UTRN: variants seen among roughly 807,000 people sequenced by gnomAD.
UTRN encodes utrophin, also known as dystrophin-related protein 1.
In UTRN, 283 loss-of-function variants were observed where a neutral mutation model predicts 463.9. The ratio of observed to expected loss-of-function variants is 0.61; its 90% CI spans 0.55 to 0.67. The LOEUF is 0.67. Among genes scored for constraint, UTRN ranks in the 30% least tolerant of loss-of-function variants. UTRN has a pLI of 0.00. For missense variants in UTRN, 3,922 were observed against 4,084.3 expected (o/e 0.96, Z 1.08); for synonymous variants, 1,442 against 1,431.5 (o/e 1.01, Z -0.17).
At chr6:144,470,425 A>G (rs1790447416) in intron 23 of UTRN, among the ~76,000 whole-genome samples, 2 of 151,464 alleles carry the variant, frequency 1.3e-5, no homozygotes, top group African/African-American at 4.9e-5. Context: ...CAGTTCCCAG[A>G]CGGGGTCGCG....
chr6:144,683,712 G>A (rs906601527), intron 52 of UTRN, among the ~76,000 whole-genome samples: 1 of 152,088 alleles, frequency 6.6e-6, no homozygotes, highest in African/African-American at 2.4e-5. Flanking sequence ...TTTCAATAGA[G>A]GTTAATTTCC....
intron 52 of UTRN, among the ~76,000 whole-genome samples, chr6:144,692,325 G>A (rs889367288): frequency 1.3e-5 from 2 of 152,124 alleles, no homozygotes; most frequent in African/African-American, 2.4e-5. Context: ...CCATGTTGTT[G>A]CTATTGTGCA....
At chr6:144,499,824 G>C (rs139571582) in intron 34 of UTRN, among the ~76,000 whole-genome samples, 1 of 152,090 alleles carries the variant, frequency 6.6e-6, no homozygotes, top group Admixed American at 6.5e-5. Context: ...ATGGCCTTGC[G>C]TACCCAATGT....
At chr6:144,765,921 T>C (rs1407026484) in intron 58 of UTRN, among the ~76,000 whole-genome samples, 2 of 152,114 alleles carry the variant, frequency 1.3e-5, no homozygotes, top group African/African-American at 2.4e-5. Flanking sequence ...TCCACGCTTC[T>C]TTTCTCTTAA....
chr6:144,757,805 A>C (rs1269788066), intron 57 of UTRN, 124 bp from the exon 58 acceptor site: 1 of 776,694 alleles, frequency 1.3e-6, no homozygotes, highest in Admixed American at 3.1e-5. Context: ...TCATAATTAT[A>C]GGAATCCAGC....
At chr6:144,547,769 C>A in intron 46 of UTRN, among the ~76,000 whole-genome samples, 1 of 152,048 alleles carries the variant, frequency 6.6e-6, no homozygotes, top group Non-Finnish European at 1.5e-5. Flanking sequence ...GCATATTCCT[C>A]TATCAAAAAA....
chr6:144,485,374 T>C lies in UTRN; in HGVS notation c.3688-11T>C. ...GGCTTTTTGTCTAATTTAAAATTTTTCATGCTTTAGGAGGTCTGGTCTTGT... is the reference window on the plus strand; with the variant it reads ...GGCTTTTTGTCTAATTTAAAATTTTCCATGCTTTAGGAGGTCTGGTCTTGT... On this transcript the variant is annotated splice_polypyrimidine_tract_variant and intron_variant, in intron 27 of 74. Coordinates refer to ENST00000367545, the MANE Select transcript of UTRN (RefSeq NM_007124.3). The C allele has an allele frequency of 6.2e-7, 1 of 1,613,664 alleles. No homozygotes were observed. Among genetic ancestry groups the C allele is most frequent in the African/African-American group, 1.3e-5 (1 of 75,004 alleles).
rs142274898 is a variant in UTRN, at chr6:144,503,289, G to A, written c.4764+3862G>A. Among the ~76,000 whole-genome samples the A allele has an allele frequency of 4.9e-3, 744 of 152,144 alleles. 3 individuals carry two copies. Among genetic ancestry groups the A allele is most frequent in the Admixed American group, 9.6e-3 (146 of 15,286 alleles). On this transcript the variant is annotated intron_variant, in intron 34 of 74. Transcript: ENST00000367545. ...TTTGTCAATTTTGGCTTTTGTTGCC[G>A]TTGCTTTTGGTGTTTTAATCATGAA...
chr6:144,363,172 A>G (rs1220721501), intron 2 of UTRN, among the ~76,000 whole-genome samples: 1 of 152,210 alleles, frequency 6.6e-6, no homozygotes, highest in Non-Finnish European at 1.5e-5. Flanking sequence ...ATGGCACACA[A>G]AACACAGTAT....
rs140426320 is a variant in UTRN at position 144,516,905 on chromosome 6, G to A, written c.5498G>A (p.Arg1833His). ...GAAGATAATAAAAAAGAAAAGATCC[G>A]TTTGCAATTATTACTTTTGCATACT... ...PMEDNKKEKI[R>H]LQLLLLHTRY... The change falls in exon 39 of 75, where the codon CGT becomes CAT. Residue 1833 changes from arginine to histidine, a missense_variant. Physicochemically the swap from Arg to His is conservative, Grantham distance 29. Around this residue, in one of 3 missense-constraint regions of UTRN, gnomAD observed 2,349 missense variants for 2,303.8 expected, o/e 1.02. Transcript: ENST00000367545. 1.7e-4 allele frequency: 255 copies of A among 1,497,254 alleles called. 1 individual carries two copies. Among genetic ancestry groups the A allele is most frequent in the Middle Eastern group, 4.0e-4 (2 of 4,984 alleles). 92.7% of individuals were successfully genotyped at this position (1,497,254 alleles called of 1,614,324 possible).
chr6:144,337,975 T>G (rs1449992487), intron 2 of UTRN, among the ~76,000 whole-genome samples: 1 of 152,218 alleles, frequency 6.6e-6, no homozygotes, highest in Non-Finnish European at 1.5e-5. Context: ...CTGACTTAAT[T>G]CTGTTGATTA....
intron 51 of UTRN, among the ~76,000 whole-genome samples, chr6:144,656,092 G>C (rs1779281265): frequency 6.6e-6 from 1 of 152,126 alleles, no homozygotes; most frequent in South Asian, 2.1e-4. Context: ...GGTTTATTTA[G>C]CTAGAGATTC....
intron 51 of UTRN, among the ~76,000 whole-genome samples, chr6:144,656,083 G>A (rs914306351): frequency 1.3e-5 from 2 of 152,150 alleles, no homozygotes; most frequent in Non-Finnish European, 2.9e-5. Flanking sequence ...TTGAAACATG[G>A]TTTATTTAGC....
Position 144,487,554 on chromosome 6 carries a change from G to T in UTRN, c.3829G>T (p.Glu1277Ter). 1 of 1,595,832 alleles carries T rather than the reference G, an allele frequency of 6.3e-7. No individual in the cohort carries two copies. The highest frequency in any genetic ancestry group is 8.6e-7 in the Non-Finnish European group (1 of 1,169,496). The change falls in exon 29 of 75, where the codon GAA (glutamate) becomes TAA (stop). Residue 1277 changes from glutamate (E) to a stop codon, truncating the protein, a stop_gained. Transcript: ENST00000367545. LOFTEE classifies it high-confidence loss of function. Reference protein sequence around the residue: ...DAVNEALESLESVLRHPADNR... With the variant: ...DAVNEALESL ...TTTCCCATCTCCATTCCAGTCTCTG[G>T]AATCTGTTCTGCGCCACCCGGCAGA...
At chr6:144,734,627 A>G (rs1035492125) in intron 54 of UTRN, among the ~76,000 whole-genome samples, 2 of 152,150 alleles carry the variant, frequency 1.3e-5, no homozygotes, top group Non-Finnish European at 2.9e-5. Context: ...AAGTCCTGTC[A>G]TCACTACATT....
intron 51 of UTRN, among the ~76,000 whole-genome samples, chr6:144,660,983 T>C (rs766952421): frequency 6.6e-6 from 1 of 152,232 alleles, no homozygotes; most frequent in Non-Finnish European, 1.5e-5. Context: ...CACATGCGTG[T>C]ATGCGCTCCT....
intron 65 of UTRN, among the ~76,000 whole-genome samples, chr6:144,815,113 G>A (rs1778964200): frequency 6.6e-6 from 1 of 152,122 alleles, no homozygotes; most frequent in African/African-American, 2.4e-5. Flanking sequence ...CTTCAATAAT[G>A]AGAATTGCAA....
intron 51 of UTRN, among the ~76,000 whole-genome samples, chr6:144,620,424 A>AT (rs1241843626): frequency 6.7e-6 from 1 of 149,486 alleles, no homozygotes; most frequent in Admixed American, 6.7e-5. Flanking sequence ...GGCCTTTCTT[A>AT]TTTCAAAAAA....
chr6:144,828,496 TG>T (rs1333513198), intron 68 of UTRN, among the ~76,000 whole-genome samples: 2 of 152,120 alleles, frequency 1.3e-5, no homozygotes, highest in African/African-American at 4.8e-5. Context: ...CTCACTTAGA[TG>T]TAGACCAACT....
Sources: gnomAD v4.1 joint callset for allele counts (sites outside exome capture counted in the v4.1 genomes callset) on GRCh38, gnomAD v4.1.1 for gene constraint, gnomAD v4.1.1 regional missense constraint, MANE v1.5 for transcripts, NCBI Gene and HGNC (gene_info 2026-07-23, HGNC 2026-07-21) for gene names.